The following ATP9B variants were observed in gnomAD, a reference collection of about 807,000 sequenced individuals.
ATP9B encodes the protein ATPase phospholipid transporting 9B.
In ATP9B, 110 loss-of-function variants were observed where a neutral mutation model predicts 146.1. The ratio of observed to expected loss-of-function variants is 0.75; its 90% CI spans 0.65 to 0.88. ATP9B has a LOEUF of 0.88. Among genes scored for constraint, ATP9B ranks in the 40% least tolerant of loss-of-function variants. ATP9B has a pLI of 0.00. For missense variants in ATP9B, 1,499 were observed against 1,496.4 expected (o/e 1.00, Z -0.03); for synonymous variants, 604 against 569.7 (o/e 1.06, Z -0.86).
intron 11 of ATP9B, among the ~76,000 whole-genome samples, chr18:79,238,614 G>A (rs902740280): frequency 5.9e-5 from 9 of 152,148 alleles, no homozygotes; most frequent in African/African-American, 2.2e-4. Context: ...TCCTCAATTC[G>A]CCATGGTGGG....
chr18:79,161,797 G>A (rs557743816), intron 7 of ATP9B, among the ~76,000 whole-genome samples: 4 of 152,288 alleles, frequency 2.6e-5, no homozygotes, highest in Non-Finnish European at 5.9e-5. Flanking sequence ...AGTGAGCCGA[G>A]TTCGCACCAC....
At chr18:79,246,957 G>A (rs1192796195) in intron 11 of ATP9B, among the ~76,000 whole-genome samples, 1 of 152,202 alleles carries the variant, frequency 6.6e-6, no homozygotes, top group Non-Finnish European at 1.5e-5. Flanking sequence ...AATATTCAGT[G>A]CTGGATTTTT....
chr18:79,287,913 G>GT (rs1260788965), intron 13 of ATP9B, among the ~76,000 whole-genome samples: 1 of 150,776 alleles, frequency 6.6e-6, no homozygotes, highest in African/African-American at 2.4e-5. Context: ...CAGTTTCCAT[G>GT]TAGTTGAGCG....
intron 1 of ATP9B, among the ~76,000 whole-genome samples, chr18:79,094,253 C>CACATT (rs1481988621): frequency 6.6e-6 from 1 of 152,210 alleles, no homozygotes; most frequent in Non-Finnish European, 1.5e-5. Context: ...ATTTTTGCAG[C>CACATT]TCGGGGGTGA....
chr18:79,077,169 GATA>G (rs2072720105), intron 1 of ATP9B, among the ~76,000 whole-genome samples: 1 of 152,130 alleles, frequency 6.6e-6, no homozygotes. Context: ...TGGTTTTGGG[GATA>G]ATGAGTGATT....
chr18:79,156,004 C>T (rs1599988269), intron 7 of ATP9B, among the ~76,000 whole-genome samples: 2 of 152,104 alleles, frequency 1.3e-5, no homozygotes, highest in African/African-American at 2.4e-5. Context: ...CCTTGTGATC[C>T]ACCCACCTCG....
intron 1 of ATP9B, among the ~76,000 whole-genome samples, chr18:79,094,791 C>T (rs143310267): frequency 1.3e-5 from 2 of 152,290 alleles, no homozygotes; most frequent in African/African-American, 4.8e-5. Flanking sequence ...CTGCCCTTGT[C>T]TTGAAACTGT....
chr18:79,087,864 G>T (rs1002814294), intron 1 of ATP9B, among the ~76,000 whole-genome samples: 1 of 152,016 alleles, frequency 6.6e-6, no homozygotes, highest in Non-Finnish European at 1.5e-5. Flanking sequence ...CATCCATTCT[G>T]TCATCTTTGT....
At chr18:79,314,016 A>T (rs1412547545) in intron 15 of ATP9B, among the ~76,000 whole-genome samples, 2 of 152,196 alleles carry the variant, frequency 1.3e-5, no homozygotes, top group African/African-American at 4.8e-5. Context: ...GACGGATGAT[A>T]GTAGTGTTTC....
intron 13 of ATP9B, among the ~76,000 whole-genome samples, chr18:79,292,664 TTC>T (rs2096517368): frequency 1.2e-5 from 1 of 80,676 alleles, no homozygotes; most frequent in Admixed American, 1.3e-4. Flanking sequence ...TCGTGATTTC[TTC>T]TTTAAAAAAA....
At chr18:79,213,904 G>T in intron 10 of ATP9B, 58 bp from the exon 11 acceptor site, 1 of 1,226,850 alleles carries the variant, frequency 8.2e-7, no homozygotes. Context: ...ATTAGAAAGT[G>T]TTATCTTTTA....
intron 12 of ATP9B, 61 bp from the exon 13 acceptor site, chr18:79,276,993 G>A: frequency 6.4e-7 from 1 of 1,562,618 alleles, no homozygotes. Flanking sequence ...TGGCAGTTTG[G>A]GTGTGAACTT....
chr18:79,099,149 T>C (rs1568171790), intron 2 of ATP9B, among the ~76,000 whole-genome samples: 3 of 152,210 alleles, frequency 2.0e-5, no homozygotes, highest in Non-Finnish European at 4.4e-5. Flanking sequence ...TTTCTAAAAA[T>C]AGGTGCATTT....
At position 79,217,984 on chromosome 18, in the gene ATP9B, G is replaced by A. The variant is rs760287072; in HGVS notation, c.1107+3946G>A. ...GGACATTGATACATTGGAGTTCGTC[G>A]TCAGCAGAGAAATTGAGCTGCAAAT... On this transcript the variant is annotated intron_variant, in intron 11 of 29. Transcript: ENST00000426216. Among the ~76,000 whole-genome samples, 8 of 152,206 alleles carry A rather than the reference G, an allele frequency of 5.3e-5. No homozygotes were observed. In the South Asian group the frequency reaches 6.2e-4, roughly 12 times the overall value.
intron 13 of ATP9B, among the ~76,000 whole-genome samples, chr18:79,277,802 T>A (rs1010716064): frequency 6.6e-6 from 1 of 152,196 alleles, no homozygotes; most frequent in African/African-American, 2.4e-5. Context: ...GGGCTAAAAT[T>A]CCTCCTTGAT....
chr18:79,075,699 G>A (rs1360050579), intron 1 of ATP9B, among the ~76,000 whole-genome samples: 1 of 152,110 alleles, frequency 6.6e-6, no homozygotes, highest in African/African-American at 2.4e-5. Context: ...TATTTGAAGT[G>A]ATTTTCTGGT....
At chr18:79,255,214 T>A (rs2096066322) in intron 12 of ATP9B, 1 of 152,108 alleles carries the variant, frequency 6.6e-6, no homozygotes, top group Non-Finnish European at 1.5e-5. Flanking sequence ...ACAATCTTTG[T>A]CCTCAAAATA....
intron 6 of ATP9B, among the ~76,000 whole-genome samples, chr18:79,150,072 T>A (rs958877348): frequency 5.5e-5 from 8 of 144,838 alleles, no homozygotes; most frequent in African/African-American, 2.2e-4. Flanking sequence ...AGAGCAAGAC[T>A]GTATCTCAAA....
chr18:79,346,458 C>A (rs1404492512), intron 23 of ATP9B, among the ~76,000 whole-genome samples: 1 of 140,856 alleles, frequency 7.1e-6, no homozygotes, highest in Non-Finnish European at 1.5e-5. Context: ...AGTCAGCACA[C>A]ATTCGGCACA....
Sources: gnomAD v4.1 joint callset for allele counts (sites outside exome capture counted in the v4.1 genomes callset) on GRCh38, gnomAD v4.1.1 for gene constraint, MANE v1.5 for transcripts, NCBI Gene and HGNC (gene_info 2026-07-23, HGNC 2026-07-21) for gene names.